Variants in CDH12 observed in about 807,000 individuals in gnomAD.
CDH12 encodes cadherin-12.
Under a neutral mutation model 74.1 loss-of-function variants are expected in CDH12, and 41 were observed. The ratio of observed to expected loss-of-function variants is 0.55; its 90% confidence interval spans 0.43 to 0.72. The LOEUF (loss-of-function observed/expected upper bound fraction) is 0.72. Among genes scored for constraint, CDH12 ranks in the 30% least tolerant of loss-of-function variants. The pLI, the probability that CDH12 is intolerant of heterozygous loss-of-function variation, is 0.00. For missense variants in CDH12, 945 were observed against 977.2 expected (o/e 0.97, Z 0.44); for synonymous variants, 399 against 355.0 (o/e 1.12, Z -1.39).
intron 5 of CDH12, among the ~76,000 whole-genome samples, chr5:22,076,239 T>C (rs1278142782): frequency 2.0e-5 from 3 of 152,108 alleles, no homozygotes; most frequent in African/African-American, 7.2e-5. Context: ...TAAATACTAG[T>C]TCCTCTTTTA....
chr5:22,453,023 G>A (rs1387361195), intron 2 of CDH12, among the ~76,000 whole-genome samples: 2 of 151,306 alleles, frequency 1.3e-5, no homozygotes, highest in Non-Finnish European at 2.9e-5. Flanking sequence ...GCAATTCAAG[G>A]CCACAATGAA....
rs534929580 is a variant in CDH12, at chr5:22,739,201, A to G, written c.-523+113857T>C. ...TTTTTAAATCACTTTCATAAAAGAC[A>G]TACATTCAATGTGTAAAAAGGAAAG... On this transcript the variant is annotated intron_variant, in intron 1 of 14. Transcript: ENST00000382254. Among the ~76,000 whole-genome samples, 47 of 152,182 alleles carry G rather than the reference A, an allele frequency of 3.1e-4. 1 individual carries two copies. In the South Asian group the frequency reaches 9.7e-3, roughly 31 times the overall value.
intron 4 of CDH12, among the ~76,000 whole-genome samples, chr5:22,151,135 C>G (rs1264339482): frequency 6.6e-6 from 1 of 152,146 alleles, no homozygotes; most frequent in Non-Finnish European, 1.5e-5. Context: ...ACCCATTTTA[C>G]TCATGTGGAA....
At chr5:22,651,103 G>A (rs1289226238) in intron 1 of CDH12, among the ~76,000 whole-genome samples, 2 of 149,346 alleles carry the variant, frequency 1.3e-5, no homozygotes, top group Admixed American at 6.6e-5. Flanking sequence ...ATATCATCAA[G>A]AGGCCCCATA....
intron 4 of CDH12, among the ~76,000 whole-genome samples, chr5:22,206,325 A>C (rs184001603): frequency 6.6e-6 from 1 of 152,196 alleles, no homozygotes; most frequent in Non-Finnish European, 1.5e-5. Flanking sequence ...CCTGTTCTTA[A>C]GGTTTGAGAG....
intron 1 of CDH12, among the ~76,000 whole-genome samples, chr5:22,634,121 T>A (rs1051906407): frequency 6.6e-6 from 1 of 151,956 alleles, no homozygotes; most frequent in African/African-American, 2.4e-5. Flanking sequence ...TAAAATTGAA[T>A]CAAAATGATA....
intron 12 of CDH12, among the ~76,000 whole-genome samples, chr5:21,764,651 G>GAAAAAAAAAAAAAAAAAAA (rs369895363): frequency 9.1e-6 from 1 of 110,094 alleles, no homozygotes; most frequent in African/African-American, 3.9e-5. Context: ...TTCATATCAA[G>GAAAAAAAAAAAAAAAAAAA]AAAAAAAAAA....
intron 6 of CDH12, among the ~76,000 whole-genome samples, chr5:21,855,495 A>G (rs902912104): frequency 6.6e-6 from 1 of 151,578 alleles, no homozygotes; most frequent in Non-Finnish European, 1.5e-5. Flanking sequence ...TCATAAGCAT[A>G]TTGAAATCAG....
At position 21,987,051 on chromosome 5, in the gene CDH12, T is replaced by C. The variant is rs2150132062; in HGVS notation, c.232-11666A>G. Among the ~76,000 whole-genome samples, 3 of 152,248 alleles carry C rather than the reference T, an allele frequency of 2.0e-5. No homozygotes were observed. In the East Asian group the frequency reaches 5.8e-4, roughly 29 times the overall value. ...CCAATAAAGCAGCTGAACCCAAATC[T>C]GAACTCGAATGTAAAACTCCATCTA... On this transcript the variant is annotated intron_variant, in intron 5 of 14. Coordinates refer to ENST00000382254, the MANE Select transcript of CDH12 (RefSeq NM_004061.5).
intron 1 of CDH12, among the ~76,000 whole-genome samples, chr5:22,583,017 A>G (rs1460210706): frequency 1.3e-5 from 2 of 152,116 alleles, no homozygotes; most frequent in Non-Finnish European, 2.9e-5. Flanking sequence ...TAGAGAGAAA[A>G]GCGCACTTTG....
chr5:22,046,438 T>C (rs970693593), intron 5 of CDH12, among the ~76,000 whole-genome samples: 1 of 145,244 alleles, frequency 6.9e-6, no homozygotes. Context: ...TTCTTTTTTT[T>C]TTTTTTTTTT....
At chr5:22,736,739 G>T (rs1478551501) in intron 1 of CDH12, among the ~76,000 whole-genome samples, 2 of 151,346 alleles carry the variant, frequency 1.3e-5, no homozygotes, top group African/African-American at 2.4e-5. Context: ...CACACAAAAA[G>T]CCTAGAAATA....
chr5:22,690,206 A>G (rs1020369736), intron 1 of CDH12, among the ~76,000 whole-genome samples: 14 of 152,164 alleles, frequency 9.2e-5, no homozygotes, highest in Admixed American at 9.2e-4. Context: ...ACCATGAAAC[A>G]TCTTTTTGTT....
intron 14 of CDH12, among the ~76,000 whole-genome samples, chr5:21,752,770 G>GAAGGAAGTAGAGGAAGA (rs1413318993): frequency 3.3e-5 from 5 of 151,946 alleles, no homozygotes; most frequent in African/African-American, 9.7e-5. Flanking sequence ...AGGAAAGAAG[G>GAAGGAAGTAGAGGAAGA]AAGGAAGTAG....
intron 1 of CDH12, among the ~76,000 whole-genome samples, chr5:22,729,490 T>C (rs1296439574): frequency 6.6e-6 from 1 of 151,882 alleles, no homozygotes; most frequent in Admixed American, 6.6e-5. Context: ...GGAAGGTCCC[T>C]GTGACTGTAA....
intron 1 of CDH12, among the ~76,000 whole-genome samples, chr5:22,529,929 T>C (rs1379229737): frequency 6.6e-6 from 1 of 152,136 alleles, no homozygotes; most frequent in African/African-American, 2.4e-5. Flanking sequence ...CTGTAGAAAG[T>C]TCTTCTGGGC....
intron 2 of CDH12, among the ~76,000 whole-genome samples, chr5:22,469,344 C>A (rs1032299173): frequency 3.3e-5 from 5 of 152,130 alleles, no homozygotes; most frequent in Middle Eastern, 3.2e-3. Flanking sequence ...AAAGTGTTGG[C>A]AGGTTGGTTT....
At chr5:22,550,855 T>C (rs1001879755) in intron 1 of CDH12, among the ~76,000 whole-genome samples, 2 of 152,240 alleles carry the variant, frequency 1.3e-5, no homozygotes, top group Non-Finnish European at 2.9e-5. Flanking sequence ...CTGCTTCCAC[T>C]TCTGCCTCGT....
chr5:22,253,498 A>G (rs1344031731), intron 3 of CDH12, among the ~76,000 whole-genome samples: 1 of 151,960 alleles, frequency 6.6e-6, no homozygotes, highest in Non-Finnish European at 1.5e-5. Context: ...AATCTGATAA[A>G]TAACATGCCT....
Sources: gnomAD v4.1 joint callset for allele counts (sites outside exome capture counted in the v4.1 genomes callset) on GRCh38, gnomAD v4.1.1 for gene constraint, MANE v1.5 for transcripts, NCBI Gene and HGNC (gene_info 2026-07-23, HGNC 2026-07-21) for gene names.